Variants in RMND5B observed in about 807,000 individuals in gnomAD.
RMND5B encodes E3 ubiquitin-protein transferase RMND5B.
RMND5B carries 42 observed loss-of-function variants against 50.4 expected under a neutral mutation model. The ratio of observed to expected loss-of-function variants is 0.83; its 90% CI spans 0.65 to 1.08. The LOEUF is 1.08. Among genes scored for constraint, RMND5B ranks in the 50% least tolerant of loss-of-function variants. The probability of loss-of-function intolerance (pLI) is 0.00; values close to 1 mark genes in which losing one functional copy is unlikely to be tolerated. For synonymous variants in RMND5B, 220 were observed against 210.0 expected (o/e 1.05, Z -0.41); for missense variants, 463 against 508.5 (o/e 0.91, Z 0.86).
intron 6 of RMND5B, 23 bp from the exon 7 acceptor site, chr5:178,143,919 T>C: frequency 6.2e-7 from 1 of 1,613,158 alleles, no homozygotes; most frequent in South Asian, 1.1e-5. Flanking sequence ...AGCTCTACAC[T>C]AAACTGGCCC....
chr5:178,139,629 C>T (rs377592216), intron 3 of RMND5B, among the ~76,000 whole-genome samples: 37 of 151,604 alleles, frequency 2.4e-4, no homozygotes, highest in African/African-American at 7.5e-4. Flanking sequence ...CTGCAACCTC[C>T]GCCTCCCAGG....
Position 178,150,226 on chromosome 5 carries a change from T to C in RMND5B, c.*2194T>C, listed in dbSNP as rs1206821138. ...GGTGAAGCATCTTAGCTTACAAAGC[T>C]CTTTCACATACATCTATCTCTTTAT... On this transcript the variant is annotated 3_prime_UTR_variant, in exon 11 of 11. Transcript: ENST00000313386. 1.8e-5 allele frequency: 4 copies of C among 217,792 alleles called. No homozygotes were observed. Among genetic ancestry groups the C allele is most frequent in the Non-Finnish European group, 3.7e-5 (4 of 106,672 alleles). The allele number at this position is 217,792 out of a possible 1,614,324, so 13.5% of individuals were successfully genotyped here.
chr5:178,138,474 G>T lies in RMND5B; in HGVS notation c.139+216G>T, dbSNP rs1284443031. ...CTGAGATGATTCCCATTTACATTTT[G>T]TTTTCAACTTACTTTTCTATTTTTA... is the stretch of plus-strand genomic sequence containing the variant. On this transcript the variant is annotated intron_variant, in intron 3 of 10. Coordinates refer to ENST00000313386, the MANE Select transcript of RMND5B (RefSeq NM_022762.5). This position sits in a 1 kb window ranked among gnomAD's most constrained non-coding sequence, Gnocchi z 5.1. 5 of 1,254,810 alleles carry T rather than the reference G, an allele frequency of 4.0e-6. No homozygotes were observed. Among genetic ancestry groups the T allele is most frequent in the Non-Finnish European group, 4.1e-6 (4 of 969,260 alleles). 77.7% of individuals were successfully genotyped at this position (1,254,810 alleles called of 1,614,324 possible).
Position 178,150,459 on chromosome 5 carries a change from C to T in RMND5B, c.*2427C>T. On this transcript the variant is annotated 3_prime_UTR_variant, in exon 11 of 11. Transcript: ENST00000313386. ...GGTGGTGTATGATCATGGCTCACTGCAGCCTTGAACTCCTGGGTTCAAGTG... is the reference window on the plus strand; with the variant it reads ...GGTGGTGTATGATCATGGCTCACTGTAGCCTTGAACTCCTGGGTTCAAGTG... The T allele has an allele frequency of 2.8e-6, 1 of 353,494 alleles. No homozygotes were observed. The highest frequency in any genetic ancestry group is 7.4e-5 in the East Asian group (1 of 13,560). 21.9% of individuals were successfully genotyped at this position (353,494 alleles called of 1,614,324 possible).
chr5:178,142,580 C>T lies in RMND5B; in HGVS notation c.140-3C>T, dbSNP rs1758999652. The T allele has an allele frequency of 1.2e-5, 20 of 1,606,948 alleles. No homozygotes were observed. The highest frequency in any genetic ancestry group is 1.7e-5 in the Non-Finnish European group (20 of 1,175,970). ...CTGTGTCCTTATTCCACTTTCTCTG[C>T]AGCCCTCCAGGGGACCCCTCTCTCA... On this transcript the variant is annotated splice_region_variant and splice_polypyrimidine_tract_variant and intron_variant, in intron 3 of 10. Coordinates refer to ENST00000313386, the MANE Select transcript of RMND5B (RefSeq NM_022762.5).
intron 8 of RMND5B, 195 bp downstream of exon 8, chr5:178,146,474 G>A: frequency 1.7e-6 from 1 of 576,388 alleles, no homozygotes; most frequent in Non-Finnish European, 3.0e-6. Flanking sequence ...ATGGCCCGAG[G>A]TCACCATGAG....
In RMND5B at chr5:178,142,635, C is replaced by T. The variant is rs142558734; in HGVS notation, c.192C>T (p.Cys64=). The part of the protein sequence containing the change: ...SATLSLVMSQ[C]CRKIKDTVQK... ...CCCTCTCTCTGGTGATGTCACAGTG[C>T]TGCCGGAAGATCAAAGATACGGTGC... is the stretch of plus-strand genomic sequence containing the variant. The change falls in exon 4 of 11, where the codon TGC becomes TGT. Residue 64 remains cysteine (C), a synonymous_variant. Coordinates refer to ENST00000313386, the MANE Select transcript of RMND5B (RefSeq NM_022762.5). 6.8e-6 allele frequency: 11 copies of T among 1,614,086 alleles called. No individual in the cohort carries two copies. In the African/African-American group the frequency reaches 1.2e-4, roughly 18 times the overall value.
intron 2 of RMND5B, among the ~76,000 whole-genome samples, chr5:178,133,263 C>T (rs1158846700): frequency 1.3e-5 from 2 of 152,134 alleles, no homozygotes; most frequent in Non-Finnish European, 2.9e-5. Flanking sequence ...GCTAAATACT[C>T]CAGGATAAAC....
rs1322097975 is a variant in RMND5B, at chr5:178,138,579, C to T, written c.139+321C>T. Among the ~76,000 whole-genome samples the T allele has an allele frequency of 2.0e-5, 3 of 149,694 alleles. No homozygotes were observed. Among genetic ancestry groups the T allele is most frequent in the Non-Finnish European group, 3.0e-5 (2 of 67,638 alleles). On this transcript the variant is annotated intron_variant, in intron 3 of 10. Coordinates refer to ENST00000313386, the MANE Select transcript of RMND5B (RefSeq NM_022762.5). This position sits in a 1 kb window ranked among gnomAD's most constrained non-coding sequence, Gnocchi z 5.1. ...CAGTGTCTTTGTTGCCTAGGCTGGT[C>T]TTTAACTCCTAGGGGCTCAAGTGAT...
intron 2 of RMND5B, among the ~76,000 whole-genome samples, chr5:178,134,191 G>A (rs540162057): frequency 6.6e-6 from 1 of 152,246 alleles, no homozygotes; most frequent in South Asian, 2.1e-4. Flanking sequence ...GGTGTGGTGT[G>A]GCCACTCTTG....
In RMND5B at chr5:178,149,895, A is replaced by T. The variant is rs1483020913; in HGVS notation, c.*1863A>T. On this transcript the variant is annotated 3_prime_UTR_variant, in exon 11 of 11. Coordinates refer to ENST00000313386, the MANE Select transcript of RMND5B (RefSeq NM_022762.5). ...AAAGCTGTACAACCTGTATGCCAGG[A>T]AGTCACCAACTGATGACCCACCAGC... is the stretch of plus-strand genomic sequence containing the variant. The T allele has an allele frequency of 6.3e-7, 1 of 1,597,206 alleles. No homozygotes were observed. Among genetic ancestry groups the T allele is most frequent in the Non-Finnish European group, 8.6e-7 (1 of 1,169,176 alleles).
intron 3 of RMND5B, 94 bp from the exon 4 acceptor site, chr5:178,142,489 T>C (rs1188322033): frequency 2.8e-6 from 4 of 1,416,492 alleles, no homozygotes; most frequent in East Asian, 2.3e-5. Context: ...CCTCCTGGGC[T>C]ACGGGGCTGG....
intron 2 of RMND5B, among the ~76,000 whole-genome samples, chr5:178,134,096 TC>T (rs1758483778): frequency 6.6e-6 from 1 of 152,144 alleles, no homozygotes; most frequent in African/African-American, 2.4e-5. Context: ...AAGACTACAT[TC>T]CAGCCATCGA....
At chr5:178,141,786 T>C (rs1025104911) in intron 3 of RMND5B, 2 of 152,128 alleles carry the variant, frequency 1.3e-5, no homozygotes, top group Non-Finnish European at 2.9e-5. Flanking sequence ...TTCACCACTA[T>C]CTAATTTCAG....
In RMND5B at chr5:178,137,301, C is replaced by T. The variant is rs1758667505; in HGVS notation, c.-12-807C>T. 6.6e-6 allele frequency among the ~76,000 whole-genome samples: 1 copy of T among 152,174 alleles called. No individual in the cohort carries two copies. The highest frequency in any genetic ancestry group is 1.5e-5 in the Non-Finnish European group (1 of 68,044). On this transcript the variant is annotated intron_variant, in intron 2 of 10. Coordinates refer to ENST00000313386, the MANE Select transcript of RMND5B (RefSeq NM_022762.5). This position sits in a 1 kb window ranked among gnomAD's most constrained non-coding sequence, Gnocchi z 4.4. ...TTCCCCAAGCTGTGTTTCCAAATAT[C>T]AGCCACTCAAGGACGGCCTTTATGG...
At chr5:178,140,506 G>A (rs960183141) in intron 3 of RMND5B, among the ~76,000 whole-genome samples, 9 of 151,924 alleles carry the variant, frequency 5.9e-5, no homozygotes, top group Non-Finnish European at 7.4e-5. Context: ...TAAGATGGTC[G>A]CTGCTAAGGT....
At position 178,137,709 on chromosome 5, in the gene RMND5B, G is replaced by A. The variant is rs1185594013; in HGVS notation, c.-12-399G>A. Reference sequence around the variant, plus strand: ...TGTCTCAAAAAAAGAAAATACATACGTGTAATATGACATTATGCAGTATAT... The same window carrying A: ...TGTCTCAAAAAAAGAAAATACATACATGTAATATGACATTATGCAGTATAT... On this transcript the variant is annotated intron_variant, in intron 2 of 10. Transcript: ENST00000313386. The surrounding 1 kb of genome is among the most constrained non-coding windows in gnomAD (Gnocchi z 4.4). 6.6e-6 allele frequency among the ~76,000 whole-genome samples: 1 copy of A among 152,062 alleles called. No homozygotes were observed. The highest frequency in any genetic ancestry group is 1.5e-5 in the Non-Finnish European group (1 of 68,006).
Position 178,133,945 on chromosome 5 carries a change from C to T in RMND5B, c.-13+2569C>T, listed in dbSNP as rs905908724. Among the ~76,000 whole-genome samples the T allele has an allele frequency of 2.0e-5, 3 of 151,216 alleles. No homozygotes were observed. The East Asian group carries it at 5.9e-4, about 30-fold the overall frequency. On this transcript the variant is annotated intron_variant, in intron 2 of 10. Coordinates refer to ENST00000313386, the MANE Select transcript of RMND5B (RefSeq NM_022762.5). ...AGCCAGGATGGTCTTGATCTCCTGA[C>T]CTCATGATCCACTCGCCTCGGCCTC...
Position 178,148,830 on chromosome 5 carries a change from A to G in RMND5B, c.*798A>G, listed in dbSNP as rs1231931655. The G allele has an allele frequency of 6.6e-6, 1 of 152,364 alleles. No homozygotes were observed. Among genetic ancestry groups the G allele is most frequent in the Non-Finnish European group, 1.5e-5 (1 of 68,164 alleles). 9.4% of individuals were successfully genotyped at this position (152,364 alleles called of 1,614,324 possible). A position where few individuals can be genotyped will look rare whatever the true frequency, so the allele number is the denominator to read the frequency against. The stretch of plus-strand genomic sequence containing the variant: ...CGTGTAATGGGATTCAGGAAAATGA[A>G]GTAACTTGCACAACAGGGCTCACAG... On this transcript the variant is annotated 3_prime_UTR_variant, in exon 11 of 11. Coordinates refer to ENST00000313386, the MANE Select transcript of RMND5B (RefSeq NM_022762.5).
Sources: gnomAD v4.1 joint callset for allele counts (sites outside exome capture counted in the v4.1 genomes callset) on GRCh38, gnomAD v4.1.1 for gene constraint, Gnocchi (gnomAD v3.1) non-coding constraint, MANE v1.5 for transcripts, NCBI Gene and HGNC (gene_info 2026-07-23, HGNC 2026-07-21) for gene names.